SUGCT: variants seen among roughly 807,000 people sequenced by gnomAD.
SUGCT encodes succinyl-CoA:glutarate-CoA transferase, also known as succinyl-CoA:glutarate CoA-transferase.
Under a neutral mutation model 55.0 loss-of-function variants are expected in SUGCT, and 41 were observed. The observed-to-expected ratio is 0.74, with a 90% confidence interval of 0.58 to 0.97. The LOEUF (loss-of-function observed/expected upper bound fraction) is 0.97. Ranked by LOEUF, SUGCT falls within the 50% of genes least tolerant of loss-of-function variation. SUGCT has a pLI of 0.00. For synonymous variants in SUGCT, 187 were observed against 200.4 expected, an observed-to-expected ratio of 0.93 and a Z score of 0.56; for missense variants, 568 against 547.8, an observed-to-expected ratio of 1.04 and a Z score of -0.37.
intron 5 of SUGCT, among the ~76,000 whole-genome samples, chr7:40,192,807 AT>A (rs1562566368): frequency 7.2e-6 from 1 of 139,088 alleles, no homozygotes. Context: ...AATTTTTGTA[AT>A]TTTTAGTAGA....
At chr7:40,751,648 T>G (rs1294332570) in intron 13 of SUGCT, among the ~76,000 whole-genome samples, 1 of 152,180 alleles carries the variant, frequency 6.6e-6, no homozygotes, top group Non-Finnish European at 1.5e-5. Context: ...TTAGCTTTCC[T>G]CCTCTGCCCA....
At chr7:41,009,849 A>G in the SUGCT span, among the ~76,000 whole-genome samples, 3 of 152,232 alleles carry the variant, frequency 2.0e-5, no homozygotes, top group East Asian at 5.8e-4. Flanking sequence ...TATACTGAAG[A>G]CTGCAGAAAA....
intron 11 of SUGCT, among the ~76,000 whole-genome samples, chr7:40,476,451 T>C (rs1283297464): frequency 2.6e-5 from 4 of 152,206 alleles, no homozygotes; most frequent in Non-Finnish European, 4.4e-5. Context: ...AAAAAATTTC[T>C]TCACAAATTG....
At chr7:40,669,055 T>C (rs771955525) in intron 12 of SUGCT, among the ~76,000 whole-genome samples, 1 of 152,104 alleles carries the variant, frequency 6.6e-6, no homozygotes, top group Non-Finnish European at 1.5e-5. Flanking sequence ...CCCCCTTCTG[T>C]GATGTCGGTG....
intron 9 of SUGCT, among the ~76,000 whole-genome samples, chr7:40,415,094 A>G: frequency 6.8e-6 from 1 of 146,210 alleles, no homozygotes; most frequent in Non-Finnish European, 1.5e-5. Context: ...CTATCTATCT[A>G]TCTATCTATC....
At chr7:40,434,768 C>T (rs1032705050) in intron 9 of SUGCT, among the ~76,000 whole-genome samples, 5 of 152,148 alleles carry the variant, frequency 3.3e-5, no homozygotes, top group Admixed American at 6.5e-5. Flanking sequence ...ATGGCAGTCT[C>T]CTCAAGGTCC....
the SUGCT span, among the ~76,000 whole-genome samples, chr7:40,913,248 A>T: frequency 6.6e-6 from 1 of 152,004 alleles, no homozygotes; most frequent in Non-Finnish European, 1.5e-5. Context: ...TGATGGACAC[A>T]CCATAAGCAG....
At chr7:40,211,856 T>G (rs1787356917) in intron 6 of SUGCT, among the ~76,000 whole-genome samples, 1 of 152,190 alleles carries the variant, frequency 6.6e-6, no homozygotes, top group Non-Finnish European at 1.5e-5. Flanking sequence ...CCTGGAAGAA[T>G]TATTTCCATT....
intron 9 of SUGCT, among the ~76,000 whole-genome samples, chr7:40,409,531 A>AT (rs1479548776): frequency 1.3e-5 from 2 of 152,262 alleles, no homozygotes; most frequent in Admixed American, 6.5e-5. Context: ...AAGTGCTGGG[A>AT]TTACAGGTAT....
chr7:40,761,002 A>G (rs1416545718), intron 13 of SUGCT, among the ~76,000 whole-genome samples: 1 of 152,266 alleles, frequency 6.6e-6, no homozygotes, highest in Non-Finnish European at 1.5e-5. Context: ...AACTAGCCAC[A>G]TCATTAATTT....
intron 9 of SUGCT, among the ~76,000 whole-genome samples, chr7:40,402,492 TGGGGGAAAATTTATTATTA>T: frequency 6.6e-6 from 1 of 152,290 alleles, no homozygotes; most frequent in Middle Eastern, 3.4e-3. Context: ...TAAACTTCTA[TGGGGGAAAATTTATTATTA>T]GAAAAATAAA....
intron 8 of SUGCT, among the ~76,000 whole-genome samples, chr7:40,303,007 T>C (rs1794628215): frequency 6.6e-6 from 1 of 152,172 alleles, no homozygotes; most frequent in Non-Finnish European, 1.5e-5. Flanking sequence ...TATTCTAGCA[T>C]ATTTCTTCAC....
chr7:40,840,307 T>C (rs1793209398), intron 13 of SUGCT, among the ~76,000 whole-genome samples: 1 of 152,070 alleles, frequency 6.6e-6, no homozygotes, highest in Admixed American at 6.5e-5. Context: ...AGTCTCAACA[T>C]CCAAATGAAG....
chr7:40,498,893 T>C (rs1026903899), intron 12 of SUGCT: 2 of 362,438 alleles, frequency 5.5e-6, no homozygotes, highest in Admixed American at 7.3e-5. Context: ...TATCCTTTTA[T>C]AAAAATATAT....
intron 13 of SUGCT, among the ~76,000 whole-genome samples, chr7:40,807,004 G>A (rs1181807517): frequency 1.3e-5 from 2 of 152,136 alleles, no homozygotes; most frequent in Non-Finnish European, 1.5e-5. Flanking sequence ...ACCTTCTAAA[G>A]TTGTACGATT....
chr7:40,140,760 A>G (rs1421752668), intron 1 of SUGCT, among the ~76,000 whole-genome samples: 1 of 152,152 alleles, frequency 6.6e-6, no homozygotes, highest in African/African-American at 2.4e-5. Flanking sequence ...ATAGCCTTGT[A>G]GTATATTTTG....
intron 13 of SUGCT, among the ~76,000 whole-genome samples, chr7:40,852,771 C>T (rs1288606065): frequency 1.3e-5 from 2 of 152,070 alleles, no homozygotes; most frequent in African/African-American, 4.8e-5. Flanking sequence ...CTTTCTCCCA[C>T]TTCAGCCCCT....
chr7:40,890,144 A>G, the SUGCT span, among the ~76,000 whole-genome samples: 1 of 150,260 alleles, frequency 6.7e-6, no homozygotes, highest in African/African-American at 2.4e-5. Context: ...ACTGAGAGGT[A>G]AGCCTAAGAG....
intron 9 of SUGCT, among the ~76,000 whole-genome samples, chr7:40,375,776 G>A (rs761017450): frequency 1.4e-4 from 22 of 152,136 alleles, no homozygotes; most frequent in East Asian, 5.8e-4. Flanking sequence ...TTACAGTAAC[G>A]TACCCTCATA....
Sources: allele counts gnomAD v4.1 joint callset (sites outside exome capture counted in the v4.1 genomes callset), GRCh38; gene constraint gnomAD v4.1.1; transcripts MANE v1.5; gene names NCBI Gene and HGNC (gene_info 2026-07-23, HGNC 2026-07-21).